The following PCDH9 variants were observed in gnomAD, a reference collection of about 807,000 sequenced individuals.
PCDH9 encodes protocadherin-9.
PCDH9 carries 24 observed loss-of-function variants against 70.6 expected under a neutral mutation model. The observed-to-expected ratio is 0.34, with a 90% CI of 0.25 to 0.48. PCDH9 has a LOEUF of 0.48. PCDH9 is among the 20% of genes least tolerant of loss of function. The pLI, the probability that PCDH9 is intolerant of heterozygous loss-of-function variation, is 0.99. For synonymous variants in PCDH9, 562 were observed against 558.5 expected (o/e 1.01, Z -0.09); for missense variants, 1,281 against 1,503.6 (o/e 0.85, Z 2.45).
At chr13:66,879,116 A>G (rs2081875472) in intron 3 of PCDH9, among the ~76,000 whole-genome samples, 1 of 152,108 alleles carries the variant, frequency 6.6e-6, no homozygotes, top group African/African-American at 2.4e-5. Context: ...CACTTAGTAG[A>G]TTTGCTGTCA....
chr13:66,815,521 TA>T lies in PCDH9; in HGVS notation c.3138+87982del, dbSNP rs2080586295. Among the ~76,000 whole-genome samples the T allele has an allele frequency of 5.9e-5, 9 of 152,262 alleles. No individual in the cohort carries two copies. In the South Asian group the frequency reaches 1.9e-3, roughly 32 times the overall value. ...CAACAGTGAAGACATGGAGTCAACC[TA>T]AATGCCCATCAAGAGTAGACTGAGT... On this transcript the variant is annotated intron_variant, in intron 3 of 4. Transcript: ENST00000377865.
chr13:66,438,255 G>A (rs1264563068), intron 4 of PCDH9, among the ~76,000 whole-genome samples: 1 of 151,142 alleles, frequency 6.6e-6, no homozygotes, highest in African/African-American at 2.4e-5. Flanking sequence ...AAAGTACTTA[G>A]GATATGTACA....
intron 2 of PCDH9, among the ~76,000 whole-genome samples, chr13:66,938,815 C>T (rs1259124590): frequency 3.3e-5 from 5 of 151,906 alleles, no homozygotes; most frequent in East Asian, 3.9e-4. Context: ...TTTACTTGTC[C>T]GTCTACATGC....
At chr13:66,923,226 T>C (rs2082664858) in intron 2 of PCDH9, among the ~76,000 whole-genome samples, 1 of 151,574 alleles carries the variant, frequency 6.6e-6, no homozygotes, top group African/African-American at 2.4e-5. Flanking sequence ...CTGCTGCACC[T>C]GGCTAGTACA....
rs1286454643 is a variant in PCDH9 at position 67,051,379 on chromosome 13, AAGATTTTTT to A, written c.3037-147783_3037-147775del. Among the ~76,000 whole-genome samples the A allele has an allele frequency of 3.4e-3, 405 of 118,820 alleles. 1 individual carries two copies. The highest frequency in any genetic ancestry group is 0.012 in the South Asian group (42 of 3,590). The allele number at this position is 118,820 out of a possible 152,430, so 78.0% of individuals were successfully genotyped here. A position where few individuals can be genotyped will look rare whatever the true frequency, so the allele number is the denominator to read the frequency against. On this transcript the variant is annotated intron_variant, in intron 2 of 4. Transcript: ENST00000377865. ...AAGCGAAATACCAGGAAAACAATAC[AAGATTTTTT>A]TTTTTTTTTTTTTTTTTTTTTTGAG...
chr13:67,161,601 C>T (rs2087961920), intron 2 of PCDH9, among the ~76,000 whole-genome samples: 1 of 152,184 alleles, frequency 6.6e-6, no homozygotes, highest in Non-Finnish European at 1.5e-5. Context: ...GCAGGTCATA[C>T]ATAGACTCAC....
chr13:66,482,300 C>T (rs186564419), intron 4 of PCDH9, among the ~76,000 whole-genome samples: 88 of 151,828 alleles, frequency 5.8e-4, no homozygotes, highest in African/African-American at 2.0e-3. Flanking sequence ...TTTAATCTAA[C>T]GTTTGTCATT....
At chr13:67,119,540 G>A (rs773259116) in intron 2 of PCDH9, among the ~76,000 whole-genome samples, 19 of 152,000 alleles carry the variant, frequency 1.3e-4, no homozygotes, top group Non-Finnish European at 2.4e-4. Flanking sequence ...GCACAGAAAA[G>A]AGTCATGAAA....
At chr13:66,843,052 A>C (rs2058097541) in intron 3 of PCDH9, among the ~76,000 whole-genome samples, 1 of 152,212 alleles carries the variant, frequency 6.6e-6, no homozygotes, top group Admixed American at 6.5e-5. Context: ...CTGAAGGAAG[A>C]AAATCAATTA....
chr13:66,564,476 C>T (rs948183916), intron 4 of PCDH9, among the ~76,000 whole-genome samples: 3 of 151,976 alleles, frequency 2.0e-5, no homozygotes, highest in South Asian at 2.1e-4. Flanking sequence ...TTGATTTGCT[C>T]TTAATAATGG....
At chr13:66,631,517 G>T (rs2077571275) in intron 3 of PCDH9, 106 bp from the exon 4 acceptor site, 1 of 664,716 alleles carries the variant, frequency 1.5e-6, no homozygotes, top group African/African-American at 1.8e-5. Flanking sequence ...CAATGTAAAA[G>T]CAAAATAAAC....
chr13:66,818,618 C>G (rs2080649965), intron 3 of PCDH9, among the ~76,000 whole-genome samples: 1 of 152,132 alleles, frequency 6.6e-6, no homozygotes, highest in Non-Finnish European at 1.5e-5. Context: ...AAATATAAGA[C>G]AAATCAGTAT....
At chr13:66,782,650 C>T (rs189312540) in intron 3 of PCDH9, 203 of 152,172 alleles carry the variant, frequency 1.3e-3, no homozygotes, top group African/African-American at 4.5e-3. Flanking sequence ...AATTTATTTT[C>T]GCCATTCCTT....
At chr13:66,651,301 A>G (rs1449153948) in intron 3 of PCDH9, among the ~76,000 whole-genome samples, 2 of 152,092 alleles carry the variant, frequency 1.3e-5, no homozygotes, top group East Asian at 3.9e-4. Flanking sequence ...ACCCAAATAA[A>G]TAAATTAGAG....
At chr13:66,976,883 T>C (rs2083631411) in intron 2 of PCDH9, among the ~76,000 whole-genome samples, 1 of 152,142 alleles carries the variant, frequency 6.6e-6, no homozygotes, top group African/African-American at 2.4e-5. Flanking sequence ...CATTTTTTCA[T>C]TGTATAATTC....
At chr13:67,214,286 T>C (rs2089538895) in intron 2 of PCDH9, 1 of 152,244 alleles carries the variant, frequency 6.6e-6, no homozygotes, top group Non-Finnish European at 1.5e-5. Flanking sequence ...ATGATCCATA[T>C]ACTTTGAGGC....
chr13:67,045,005 C>G (rs1012219338), intron 2 of PCDH9, among the ~76,000 whole-genome samples: 1 of 151,996 alleles, frequency 6.6e-6, no homozygotes, highest in African/African-American at 2.4e-5. Flanking sequence ...AGAAATGGAG[C>G]AAAGAAATGG....
At chr13:67,089,312 A>G (rs1252294365) in intron 2 of PCDH9, among the ~76,000 whole-genome samples, 1 of 152,056 alleles carries the variant, frequency 6.6e-6, no homozygotes, top group Non-Finnish European at 1.5e-5. Context: ...TTAATAAGTT[A>G]TCTGCTTATT....
chr13:67,190,609 C>G (rs766666813), intron 2 of PCDH9, among the ~76,000 whole-genome samples: 1 of 151,736 alleles, frequency 6.6e-6, no homozygotes, highest in Non-Finnish European at 1.5e-5. Context: ...TGGTCAGAAT[C>G]CAGTAAAAAG....
Sources: gnomAD v4.1 joint callset for allele counts (sites outside exome capture counted in the v4.1 genomes callset) on GRCh38, gnomAD v4.1.1 for gene constraint, MANE v1.5 for transcripts, NCBI Gene and HGNC (gene_info 2026-07-23, HGNC 2026-07-21) for gene names.